LRP1B: variants seen among roughly 807,000 people sequenced by gnomAD.
LRP1B encodes low-density lipoprotein receptor-related protein 1B.
LRP1B carries 217 observed loss-of-function variants against 556.6 expected under a neutral mutation model. The observed-to-expected ratio is 0.39, with a 90% CI of 0.35 to 0.44. LRP1B has a LOEUF of 0.44. LRP1B is among the 20% of genes least tolerant of loss of function. The pLI is 1.00. For missense variants in LRP1B, 5,053 were observed against 5,620.8 expected, an observed-to-expected ratio of 0.90 and a Z score of 3.23; for synonymous variants, 2,047 against 1,865.8, an observed-to-expected ratio of 1.10 and a Z score of -2.50.
chr2:140,356,921 TACTC>T (rs1682250400), intron 74 of LRP1B, among the ~76,000 whole-genome samples: 2 of 151,828 alleles, frequency 1.3e-5, no homozygotes, highest in African/African-American at 4.8e-5. Flanking sequence ...ACTGCTAAGT[TACTC>T]AAGCAAGTTG....
intron 1 of LRP1B, among the ~76,000 whole-genome samples, chr2:141,935,568 G>C (rs1700613917): frequency 6.6e-6 from 1 of 151,946 alleles, no homozygotes; most frequent in African/African-American, 2.4e-5. Flanking sequence ...ATACAAAAAG[G>C]ACAAAGTAGA....
chr2:140,952,003 T>C (rs2105303261), intron 18 of LRP1B, 63 bp from the exon 19 acceptor site: 1 of 1,145,728 alleles, frequency 8.7e-7, no homozygotes, highest in Non-Finnish European at 1.3e-6. Flanking sequence ...ACATAATTCG[T>C]ATCATCTGAT....
intron 86 of LRP1B, among the ~76,000 whole-genome samples, chr2:140,261,680 T>C (rs1325944028): frequency 2.6e-5 from 4 of 151,854 alleles, no homozygotes; most frequent in African/African-American, 7.3e-5. Flanking sequence ...CATTTAATTA[T>C]ACAAATTAAC....
At chr2:141,505,103 ATCTC>A (rs1466723768) in intron 2 of LRP1B, among the ~76,000 whole-genome samples, 1 of 148,392 alleles carries the variant, frequency 6.7e-6, no homozygotes, top group Non-Finnish European at 1.5e-5. Context: ...CTCTCTCTCT[ATCTC>A]TCTCTCTCCC....
chr2:140,931,016 T>A (rs1267418175), intron 20 of LRP1B, among the ~76,000 whole-genome samples: 1 of 152,048 alleles, frequency 6.6e-6, no homozygotes, highest in African/African-American at 2.4e-5. Flanking sequence ...TTTCTAGAGA[T>A]CCTCAGCAGA....
intron 1 of LRP1B, among the ~76,000 whole-genome samples, chr2:141,957,279 C>G (rs991033678): frequency 6.6e-6 from 1 of 150,502 alleles, no homozygotes; most frequent in Non-Finnish European, 1.5e-5. Context: ...GGGAGATTCC[C>G]CAGTCTGGCT....
chr2:140,368,116 C>T (rs1056447742), intron 71 of LRP1B, among the ~76,000 whole-genome samples: 8 of 151,738 alleles, frequency 5.3e-5, no homozygotes, highest in Non-Finnish European at 5.9e-5. Flanking sequence ...TTGAGACTCA[C>T]TTAAAATTCC....
At chr2:140,739,237 A>G (rs532532644) in intron 35 of LRP1B, among the ~76,000 whole-genome samples, 2 of 152,334 alleles carry the variant, frequency 1.3e-5, no homozygotes, top group South Asian at 4.1e-4. Flanking sequence ...ATGGAGAAAG[A>G]ACATTGTAGC....
intron 3 of LRP1B, among the ~76,000 whole-genome samples, chr2:141,427,839 G>T (rs2104977696): frequency 6.6e-6 from 1 of 152,154 alleles, no homozygotes; most frequent in East Asian, 1.9e-4. Context: ...TCAATATAAA[G>T]CTATAAAATG....
At chr2:141,422,609 T>A (rs12105488) in intron 3 of LRP1B, among the ~76,000 whole-genome samples, 4,409 of 152,280 alleles carry the variant, frequency 0.029, 229 homozygotes, top group African/African-American at 0.1. Flanking sequence ...CCATTTTTGG[T>A]CATCTTTTAT....
At chr2:140,633,580 G>C (rs1381060325) in intron 41 of LRP1B, among the ~76,000 whole-genome samples, 3 of 152,082 alleles carry the variant, frequency 2.0e-5, no homozygotes, top group African/African-American at 7.2e-5. Context: ...ACTTACAGTG[G>C]ATTCATTTTT....
At chr2:140,325,959 T>G in intron 79 of LRP1B, 81 bp from the exon 80 acceptor site, 1 of 842,976 alleles carries the variant, frequency 1.2e-6, no homozygotes, top group Non-Finnish European at 2.0e-6. Context: ...TCTTATTGTA[T>G]AATTACACTT....
At chr2:141,535,518 C>G (rs1356102735) in intron 2 of LRP1B, among the ~76,000 whole-genome samples, 1 of 149,860 alleles carries the variant, frequency 6.7e-6, no homozygotes, top group Non-Finnish European at 1.5e-5. Flanking sequence ...TTCTAGTATT[C>G]TCGAAATTGA....
At chr2:141,572,706 C>A (rs1468543839) in intron 2 of LRP1B, among the ~76,000 whole-genome samples, 1 of 152,082 alleles carries the variant, frequency 6.6e-6, no homozygotes, top group African/African-American at 2.4e-5. Flanking sequence ...CAAAGACATA[C>A]ATAGGCTCAA....
rs1041801403 is a variant in LRP1B, at chr2:141,826,167, G to A, written c.83-15766C>T. Among the ~76,000 whole-genome samples, 49 of 151,632 alleles carry A rather than the reference G, an allele frequency of 3.2e-4. 1 individual carries two copies. Among genetic ancestry groups the A allele is most frequent in the Admixed American group, 6.6e-4 (10 of 15,216 alleles). On this transcript the variant is annotated intron_variant, in intron 1 of 90. Coordinates refer to ENST00000389484, the MANE Select transcript of LRP1B (RefSeq NM_018557.3). ...TATCGCATTTTCATATGTTCTTGCA[G>A]ACTATTCTATATAGAAAAAATATAT...
chr2:140,766,851 T>TA lies in LRP1B; in HGVS notation c.5758+2361dup, dbSNP rs1290549240. On this transcript the variant is annotated intron_variant, in intron 35 of 90. Transcript: ENST00000389484. ...TATATATATATATATATATTATATA[T>TA]ATATATATATATATAATATATATAA... Among the ~76,000 whole-genome samples, 201 of 51,698 alleles carry TA rather than the reference T, an allele frequency of 3.9e-3. 3 individuals are homozygous for TA. The highest frequency in any genetic ancestry group is 8.6e-3 in the African/African-American group (188 of 21,870). The allele number at this position is 51,698 out of a possible 152,430, so 33.9% of individuals were successfully genotyped here. A position where few individuals can be genotyped will look rare whatever the true frequency, so the allele number is the denominator to read the frequency against.
At chr2:141,977,690 A>T (rs1359698334) in intron 1 of LRP1B, among the ~76,000 whole-genome samples, 2 of 152,322 alleles carry the variant, frequency 1.3e-5, no homozygotes, top group South Asian at 4.1e-4. Context: ...ATGAAATATC[A>T]TCTTGGGTTT....
At chr2:140,835,791 A>G (rs1036815481) in intron 31 of LRP1B, among the ~76,000 whole-genome samples, 2 of 152,116 alleles carry the variant, frequency 1.3e-5, no homozygotes, top group Non-Finnish European at 2.9e-5. Context: ...CACCTGCCTC[A>G]GCCTCCCAAA....
chr2:141,810,303 C>G lies in LRP1B; in HGVS notation c.181G>C (p.Asp61His), dbSNP rs865984818. 1 of 1,613,140 alleles carries G rather than the reference C, an allele frequency of 6.2e-7. No individual in the cohort carries two copies. Among genetic ancestry groups the G allele is most frequent in the Non-Finnish European group, 8.5e-7 (1 of 1,179,458 alleles). ...CAGGTATCTAAAGACTCGTCTGAAT[C>G]ATCAGGGCAGTCAGGGTCCCCATCA... ...LCDGDPDCPD[D>H]SDESLDTCPE... Residue 61 changes from aspartate (D) to histidine (H), a missense_variant, in exon 2 of 91, where the codon GAT (aspartate) becomes CAT (histidine). Asp to His is a moderately conservative substitution (Grantham distance 81, BLOSUM62 -1). Coordinates refer to ENST00000389484, the MANE Select transcript of LRP1B (RefSeq NM_018557.3).
Sources: gnomAD v4.1 joint callset for allele counts (sites outside exome capture counted in the v4.1 genomes callset) on GRCh38, gnomAD v4.1.1 for gene constraint, MANE v1.5 for transcripts, NCBI Gene and HGNC (gene_info 2026-07-23, HGNC 2026-07-21) for gene names.